PCDH15: variants seen among roughly 807,000 people sequenced by gnomAD.
The protein encoded by PCDH15 is protocadherin related 15.
PCDH15 carries 129 observed loss-of-function variants against 178.5 expected under a neutral mutation model. The ratio of observed to expected loss-of-function variants is 0.72; its 90% CI spans 0.63 to 0.84. The LOEUF is 0.84. Among genes scored for constraint, PCDH15 ranks in the 40% least tolerant of loss-of-function variants. The pLI is 0.00. For missense variants in PCDH15, 2,230 were observed against 2,099.9 expected, an observed-to-expected ratio of 1.06 and a Z score of -1.21; for synonymous variants, 800 against 732.0, an observed-to-expected ratio of 1.09 and a Z score of -1.50.
intron 2 of PCDH15, among the ~76,000 whole-genome samples, chr10:54,601,739 C>T (rs11004407): frequency 0.2 from 31,013 of 151,892 alleles, 3,346 homozygotes; most frequent in East Asian, 0.36. Flanking sequence ...CACATGCCCA[C>T]ATATGTTCAT....
intron 2 of PCDH15, among the ~76,000 whole-genome samples, chr10:54,991,455 A>G (rs1468530643): frequency 6.6e-6 from 1 of 152,186 alleles, no homozygotes; most frequent in Non-Finnish European, 1.5e-5. Flanking sequence ...ATGGGTCAAT[A>G]AAAAGTAAAT....
chr10:55,519,524 G>C (rs1032166294), intron 2 of PCDH15, among the ~76,000 whole-genome samples: 21 of 151,968 alleles, frequency 1.4e-4, no homozygotes, highest in African/African-American at 4.6e-4. Context: ...CCCTAGCTTT[G>C]ATATTCTACT....
Position 55,625,648 on chromosome 10 carries a change from C to T in PCDH15, c.-156+1977G>A, listed in dbSNP as rs1166574446. Among the ~76,000 whole-genome samples, 3 of 152,098 alleles carry T rather than the reference C, an allele frequency of 2.0e-5. No individual in the cohort carries two copies. The East Asian group carries it at 5.8e-4, about 29-fold the overall frequency. The stretch of plus-strand genomic sequence containing the variant: ...AGTTACAAATGAGATCTGTTCTTCC[C>T]TCCTTGGGATTCTAAAGTCTTTTCA... On this transcript the variant is annotated intron_variant, in intron 2 of 5. Coordinates refer to the PCDH15 transcript ENST00000613346.
At chr10:53,807,471 C>G (rs941815372) in intron 37 of PCDH15, among the ~76,000 whole-genome samples, 6 of 152,114 alleles carry the variant, frequency 3.9e-5, no homozygotes, top group Non-Finnish European at 8.8e-5. Context: ...GACAGCTGCT[C>G]TACTATTCAG....
At chr10:54,467,351 T>C (rs967172698) in intron 3 of PCDH15, among the ~76,000 whole-genome samples, 1 of 151,784 alleles carries the variant, frequency 6.6e-6, no homozygotes, top group African/African-American at 2.4e-5. Context: ...ATTTGTTGAG[T>C]TTTTATCTTA....
rs552899659 is a variant in PCDH15 at position 54,173,696 on chromosome 10, T to C, written c.1590+9748A>G. Among the ~76,000 whole-genome samples, 17 of 152,306 alleles carry C rather than the reference T, an allele frequency of 1.1e-4. No homozygotes were observed. In the South Asian group the frequency reaches 3.5e-3, roughly 32 times the overall value. ...AATGTGCTGGGACTGTGTAAGGTGT[T>C]AGGCATACAGTAGTGATAGAAAAAG... is the stretch of plus-strand genomic sequence containing the variant. On this transcript the variant is annotated intron_variant, in intron 13 of 37. Transcript: ENST00000644397.
chr10:53,919,327 T>C (rs768367193), intron 25 of PCDH15, among the ~76,000 whole-genome samples: 34 of 152,188 alleles, frequency 2.2e-4, no homozygotes, highest in Non-Finnish European at 3.7e-4. Flanking sequence ...AACAGAAATG[T>C]GTTAGGATGT....
At chr10:55,070,769 T>C (rs1841717863) in intron 2 of PCDH15, among the ~76,000 whole-genome samples, 1 of 152,120 alleles carries the variant, frequency 6.6e-6, no homozygotes, top group South Asian at 2.1e-4. Context: ...GGCTCTTTTT[T>C]GGTTCCATAT....
chr10:55,247,948 T>C (rs1182189433), intron 1 of PCDH15: 1 of 147,662 alleles, frequency 6.8e-6, no homozygotes, highest in Non-Finnish European at 1.5e-5. Flanking sequence ...CCTATTAAAA[T>C]GGAATACTTT....
intron 2 of PCDH15, among the ~76,000 whole-genome samples, chr10:55,117,653 C>G (rs1837660531): frequency 6.6e-6 from 1 of 152,108 alleles, no homozygotes; most frequent in South Asian, 2.1e-4. Context: ...ACCTCAGAAC[C>G]TGACACCAGA....
At chr10:54,772,949 A>G (rs959243616) in intron 1 of PCDH15, among the ~76,000 whole-genome samples, 6 of 152,204 alleles carry the variant, frequency 3.9e-5, no homozygotes, top group Non-Finnish European at 8.8e-5. Flanking sequence ...AAGGAATGAG[A>G]TCATGACCTT....
intron 8 of PCDH15, among the ~76,000 whole-genome samples, chr10:54,276,565 T>A (rs12240782): frequency 0.034 from 5,103 of 151,752 alleles, 294 homozygotes; most frequent in African/African-American, 0.12. Flanking sequence ...GTGAGATAGT[T>A]GATGATATTC....
intron 2 of PCDH15, among the ~76,000 whole-genome samples, chr10:55,102,795 T>C (rs1055250932): frequency 2.6e-5 from 4 of 152,066 alleles, no homozygotes; most frequent in African/African-American, 9.7e-5. Context: ...ACATAAACAT[T>C]TGAATAACAC....
intron 2 of PCDH15, among the ~76,000 whole-genome samples, chr10:55,023,286 G>A (rs1212006460): frequency 2.0e-5 from 3 of 152,064 alleles, no homozygotes; most frequent in Non-Finnish European, 4.4e-5. Flanking sequence ...TTAAAATAAT[G>A]GTAACTTAAG....
In PCDH15 at chr10:55,178,406, A is replaced by G. The variant is rs372988488; in HGVS notation, c.-155-11755T>C. ...GGGAATACACCTTTCAGCCCTCAGG[A>G]TGACTACAATCAGAGTATGGCAAAC... On this transcript the variant is annotated intron_variant, in intron 1 of 5. Coordinates refer to the PCDH15 transcript ENST00000458638. Among the ~76,000 whole-genome samples, 43 of 152,266 alleles carry G rather than the reference A, an allele frequency of 2.8e-4. 1 individual carries two copies. Among genetic ancestry groups the G allele is most frequent in the African/African-American group, 1.0e-3 (42 of 41,580 alleles).
intron 3 of PCDH15, among the ~76,000 whole-genome samples, chr10:54,518,520 G>C (rs1039736789): frequency 1.5e-4 from 23 of 151,534 alleles, no homozygotes; most frequent in African/African-American, 5.6e-4. Flanking sequence ...GGAAGAAGTT[G>C]AATCTCTGAA....
intron 3 of PCDH15, among the ~76,000 whole-genome samples, chr10:54,446,831 TG>T (rs2076169176): frequency 6.6e-6 from 1 of 151,476 alleles, no homozygotes; most frequent in African/African-American, 2.4e-5. Flanking sequence ...TGCAAACTGC[TG>T]ATGTACTGTT....
intron 5 of PCDH15, among the ~76,000 whole-genome samples, chr10:54,347,674 G>C (rs1052334454): frequency 6.6e-6 from 1 of 151,842 alleles, no homozygotes; most frequent in Non-Finnish European, 1.5e-5. Context: ...GTGGAAAATA[G>C]ATAGAACATG....
chr10:53,915,578 T>C (rs947028640), intron 25 of PCDH15, among the ~76,000 whole-genome samples: 2 of 152,194 alleles, frequency 1.3e-5, no homozygotes, highest in Admixed American at 6.5e-5. Context: ...TTCCTTTTTT[T>C]TGAGACAGTC....
Sources: allele counts gnomAD v4.1 joint callset (sites outside exome capture counted in the v4.1 genomes callset), GRCh38; gene constraint gnomAD v4.1.1; transcripts MANE v1.5; gene names NCBI Gene and HGNC (gene_info 2026-07-23, HGNC 2026-07-21).